The following APTX variants were observed in gnomAD, a reference collection of about 807,000 sequenced individuals.
The protein encoded by APTX is aprataxin.
A neutral mutation model predicts 42.3 loss-of-function variants in APTX; 33 were observed. The observed-to-expected ratio is 0.78, with a 90% CI of 0.59 to 1.04. The LOEUF is 1.04. Ranked by LOEUF, APTX falls within the 50% of genes least tolerant of loss-of-function variation. The pLI is 0.00. For missense variants in APTX, 421 were observed against 415.1 expected, an observed-to-expected ratio of 1.01 and a Z score of -0.12; for synonymous variants, 130 against 146.7, an observed-to-expected ratio of 0.89 and a Z score of 0.82.
chr9:32,989,803 C>T lies in APTX; in HGVS notation c.89G>A (p.Gly30Asp). ...PHLEAVVIGR[G>D]PETKITDKKC... ...CTTATCAGTGATCTTGGTCTCTGGG[C>T]CACGCCCAATCACAACTGCTTCCAA... Residue 30 changes from glycine (G) to aspartate (D), a missense_variant, in exon 2 of 8, where the codon GGC becomes GAC. Gly to Asp is a moderately conservative substitution (Grantham distance 94, BLOSUM62 -1). Coordinates refer to ENST00000379817, the MANE Select transcript of APTX (RefSeq NM_001195248.2). 1.2e-6 allele frequency: 2 copies of T among 1,614,246 alleles called. No homozygotes were observed. Among genetic ancestry groups the T allele is most frequent in the East Asian group, 4.5e-5 (2 of 44,888 alleles).
chr9:33,007,200 T>C (rs897132855), intron 1 of APTX, among the ~76,000 whole-genome samples: 1 of 152,040 alleles, frequency 6.6e-6, no homozygotes, highest in African/African-American at 2.4e-5. Context: ...ATTATTCTTT[T>C]AGAGTTGCTA....
At chr9:32,980,777 T>G (rs1356053792) in intron 6 of APTX, among the ~76,000 whole-genome samples, 1 of 152,224 alleles carries the variant, frequency 6.6e-6, no homozygotes, top group Non-Finnish European at 1.5e-5. Flanking sequence ...GCATGTTGCT[T>G]TGGGAGAGTG....
At chr9:33,004,008 A>G (rs1722471195), upstream of APTX, among the ~76,000 whole-genome samples, 1 of 152,252 alleles carries the variant, frequency 6.6e-6, no homozygotes, top group African/African-American at 2.4e-5. Context: ...TTGCAAGAAC[A>G]TGGAACCAAC....
intron 1 of APTX, among the ~76,000 whole-genome samples, chr9:33,001,132 C>A (rs1229179846): frequency 2.0e-5 from 3 of 152,128 alleles, no homozygotes; most frequent in African/African-American, 7.2e-5. Flanking sequence ...CAGGCATGAG[C>A]CACCCCGCCC....
At chr9:33,014,362 T>G (rs1026412587) in intron 1 of APTX, among the ~76,000 whole-genome samples, 3 of 152,196 alleles carry the variant, frequency 2.0e-5, no homozygotes, top group African/African-American at 7.2e-5. Flanking sequence ...CACAAAAATA[T>G]CTAAAGGGCA....
In APTX at chr9:32,975,474, G is replaced by A. The variant is rs183685869; in HGVS notation, c.771-913C>T. ...CCCAGCACTTTGGGAGGCCGAGGCA[G>A]GTGGATCACTTGAGGTCAGGAGTTC... On this transcript the variant is annotated intron_variant, in intron 6 of 7. Transcript: ENST00000379817. 7.1e-3 allele frequency among the ~76,000 whole-genome samples: 1,081 copies of A among 152,324 alleles called. 18 individuals carry two copies. The highest frequency in any genetic ancestry group is 0.024 in the African/African-American group (1,017 of 41,578).
intron 1 of APTX, among the ~76,000 whole-genome samples, chr9:33,018,797 G>A (rs1177079246): frequency 6.6e-6 from 1 of 150,752 alleles, no homozygotes; most frequent in African/African-American, 2.4e-5. Flanking sequence ...GAGAATTGCT[G>A]GAACCTGGGA....
intron 1 of APTX, among the ~76,000 whole-genome samples, chr9:33,012,037 C>T (rs576911323): frequency 6.6e-6 from 1 of 152,298 alleles, no homozygotes; most frequent in South Asian, 2.1e-4. Flanking sequence ...GACACTCCTA[C>T]TTTGTCATTC....
chr9:32,997,422 GGGT>G (rs1165067126), intron 1 of APTX: 1 of 152,214 alleles, frequency 6.6e-6, no homozygotes, highest in African/African-American at 2.4e-5. Context: ...TCTGTGCAAA[GGGT>G]GGAAGCACAA....
upstream of APTX, among the ~76,000 whole-genome samples, chr9:33,004,218 T>C (rs1836959570): frequency 6.6e-6 from 1 of 152,188 alleles, no homozygotes; most frequent in Non-Finnish European, 1.5e-5. Flanking sequence ...GCAGCTAAGC[T>C]TTGGGTATGT....
chr9:32,980,327 G>T, intron 6 of APTX: 1 of 162,768 alleles, frequency 6.1e-6, no homozygotes. Context: ...AGCTCCTTTG[G>T]CAAATCCAAT....
At chr9:33,008,293 C>A (rs576326863) in intron 1 of APTX, among the ~76,000 whole-genome samples, 35 of 151,218 alleles carry the variant, frequency 2.3e-4, no homozygotes, top group African/African-American at 8.5e-4. Context: ...GGCTACATAT[C>A]CAAGTAAAAT....
At chr9:33,007,332 T>C (rs781005014) in intron 1 of APTX, among the ~76,000 whole-genome samples, 11 of 152,206 alleles carry the variant, frequency 7.2e-5, no homozygotes, top group Non-Finnish European at 1.6e-4. Context: ...GAAAAACCCC[T>C]GAAGAGTTAG....
chr9:32,973,345 C>G lies in APTX; in HGVS notation c.*153G>C. 1.1e-6 allele frequency: 1 copy of G among 910,576 alleles called. No homozygotes were observed. Among genetic ancestry groups the G allele is most frequent in the Non-Finnish European group, 1.8e-6 (1 of 570,914 alleles). The allele number at this position is 910,576 out of a possible 1,614,324, so 56.4% of individuals were successfully genotyped here. On this transcript the variant is annotated 3_prime_UTR_variant, in exon 8 of 8. Transcript: ENST00000379817. ...TAATCCTGAAGTACTTTGAGCCACT[C>G]TACATTGTGGCCACTCAATAATAGA...
chr9:33,025,019 C>T (rs1315638394), intron 1 of APTX: 1 of 152,414 alleles, frequency 6.6e-6, no homozygotes, highest in Non-Finnish European at 1.5e-5. Context: ...GGGCCATGCC[C>T]CACCAGCCGG....
intron 4 of APTX, chr9:32,986,240 T>C: frequency 1.5e-6 from 1 of 680,164 alleles, no homozygotes; most frequent in South Asian, 1.5e-5. Context: ...TGAGACAAAG[T>C]CTCACTCTGT....
At chr9:32,991,057 G>A (rs2118898925) in intron 1 of APTX, among the ~76,000 whole-genome samples, 1 of 152,194 alleles carries the variant, frequency 6.6e-6, no homozygotes, top group Non-Finnish European at 1.5e-5. Flanking sequence ...CTCCCGAGTA[G>A]CTGGGATTAT....
intron 1 of APTX, among the ~76,000 whole-genome samples, chr9:32,993,797 C>A (rs556819895): frequency 1.2e-4 from 18 of 150,938 alleles, no homozygotes; most frequent in Admixed American, 1.1e-3. Context: ...CAGCTCACTG[C>A]AAACTCCACC....
chr9:33,001,743 A>T, upstream of APTX: 1 of 1,145,608 alleles, frequency 8.7e-7, no homozygotes, highest in African/African-American at 1.5e-5. Flanking sequence ...GTCCGCCCCA[A>T]TTGGGTTCTC....
Sources: gnomAD v4.1 joint callset for allele counts (sites outside exome capture counted in the v4.1 genomes callset) on GRCh38, gnomAD v4.1.1 for gene constraint, MANE v1.5 for transcripts, NCBI Gene and HGNC (gene_info 2026-07-23, HGNC 2026-07-21) for gene names.